DLG2: variants seen among roughly 807,000 people sequenced by gnomAD.
DLG2 encodes discs large MAGUK scaffold protein 2.
In DLG2, 45 loss-of-function variants were observed where a neutral mutation model predicts 132.5. The observed-to-expected ratio is 0.34, with a 90% CI of 0.27 to 0.44. The LOEUF is 0.44. DLG2 is among the 20% of genes least tolerant of loss of function. The probability of loss-of-function intolerance (pLI) is 1.00; values close to 1 mark genes in which losing one functional copy is unlikely to be tolerated. For missense variants in DLG2, 1,045 were observed against 1,196.9 expected, an observed-to-expected ratio of 0.87 and a Z score of 1.87; for synonymous variants, 424 against 419.6, an observed-to-expected ratio of 1.01 and a Z score of -0.13.
At chr11:83,684,212 AC>A (rs1003129003) in intron 18 of DLG2, among the ~76,000 whole-genome samples, 7 of 152,102 alleles carry the variant, frequency 4.6e-5, no homozygotes, top group African/African-American at 1.7e-4. Flanking sequence ...GTATTTGGCC[AC>A]TGGTGAGGTC....
At chr11:84,607,635 A>T (rs2099588149) in intron 6 of DLG2, among the ~76,000 whole-genome samples, 1 of 152,066 alleles carries the variant, frequency 6.6e-6, no homozygotes, top group Admixed American at 6.6e-5. Flanking sequence ...TAATTCCTAC[A>T]GTGGGAAGTG....
At chr11:85,258,164 T>C (rs1206543834) in intron 4 of DLG2, among the ~76,000 whole-genome samples, 1 of 152,158 alleles carries the variant, frequency 6.6e-6, no homozygotes, top group African/African-American at 2.4e-5. Context: ...CTTTCTTCCA[T>C]AGGAAATGCA....
chr11:85,471,783 T>C (rs1196492900), intron 3 of DLG2, among the ~76,000 whole-genome samples: 1 of 152,100 alleles, frequency 6.6e-6, no homozygotes, highest in Non-Finnish European at 1.5e-5. Context: ...CAATAATCAA[T>C]GAGCTAAAGG....
intron 3 of DLG2, among the ~76,000 whole-genome samples, chr11:85,471,239 A>G (rs965041796): frequency 3.5e-4 from 54 of 152,228 alleles, no homozygotes; most frequent in Non-Finnish European, 4.0e-4. Flanking sequence ...TGTAAGAAAT[A>G]ATACCTTTGA....
rs116547757 is a variant in DLG2, at chr11:83,834,893, C to T, written c.1566-1123G>A. On this transcript the variant is annotated intron_variant, in intron 16 of 27. Coordinates refer to ENST00000376104, the MANE Select transcript of DLG2 (RefSeq NM_001142699.3). ...TCATTTGCATCACCCACCCTCCTCTCCCAAACATCTCAGTTCATCTTCTAT... is the reference window on the plus strand; with the variant it reads ...TCATTTGCATCACCCACCCTCCTCTTCCAAACATCTCAGTTCATCTTCTAT... Among the ~76,000 whole-genome samples the T allele has an allele frequency of 8.7e-3, 1,321 of 152,280 alleles. 18 individuals are homozygous for T. Among genetic ancestry groups the T allele is most frequent in the African/African-American group, 0.031 (1,271 of 41,552 alleles).
chr11:84,435,743 A>C (rs1439962654), intron 7 of DLG2, among the ~76,000 whole-genome samples: 2 of 152,208 alleles, frequency 1.3e-5, no homozygotes, highest in Non-Finnish European at 2.9e-5. Flanking sequence ...TAAGAAGCAG[A>C]AGCTCAGATT....
At chr11:85,559,559 A>C (rs961922534) in intron 3 of DLG2, among the ~76,000 whole-genome samples, 1 of 151,452 alleles carries the variant, frequency 6.6e-6, no homozygotes, top group Non-Finnish European at 1.5e-5. Flanking sequence ...AAATAATTAA[A>C]TATATTAAAA....
intron 6 of DLG2, among the ~76,000 whole-genome samples, chr11:84,748,437 A>T (rs2065671888): frequency 6.6e-6 from 1 of 152,202 alleles, no homozygotes. Context: ...TTTGCACAGC[A>T]CTGTACAATT....
intron 4 of DLG2, among the ~76,000 whole-genome samples, chr11:85,237,466 G>A (rs1407014154): frequency 3.3e-5 from 5 of 152,024 alleles, no homozygotes; most frequent in Non-Finnish European, 5.9e-5. Flanking sequence ...AAACATGAAG[G>A]TTATGGGCTC....
intron 3 of DLG2, among the ~76,000 whole-genome samples, chr11:85,528,524 T>C (rs1324628315): frequency 6.6e-6 from 1 of 152,226 alleles, no homozygotes; most frequent in Non-Finnish European, 1.5e-5. Context: ...GGAAATCTCA[T>C]ACACTGTTGG....
At chr11:84,999,945 T>G (rs1177079775) in intron 6 of DLG2, among the ~76,000 whole-genome samples, 1 of 152,054 alleles carries the variant, frequency 6.6e-6, no homozygotes, top group Non-Finnish European at 1.5e-5. Context: ...ATTCAAGAAT[T>G]TATTCACATT....
chr11:83,984,301 T>G (rs1041932838), intron 11 of DLG2, among the ~76,000 whole-genome samples: 19 of 151,662 alleles, frequency 1.3e-4, no homozygotes, highest in Non-Finnish European at 4.4e-5. Context: ...GTGACTCTAT[T>G]CAAGGTGAAG....
rs572424785 is a variant in DLG2, at chr11:85,604,835, G to C, written c.-92-6047C>G. ...CTATATTGTACATGGTTTAAGAATA[G>C]CATCACCAGAAAGTTATAAATAATT... On this transcript the variant is annotated intron_variant, in intron 2 of 27. Transcript: ENST00000376104. Among the ~76,000 whole-genome samples the C allele has an allele frequency of 6.6e-5, 10 of 152,234 alleles. 1 individual carries two copies. The highest frequency in any genetic ancestry group is 2.4e-4 in the African/African-American group (10 of 41,546).
At chr11:83,851,296 G>A (rs1353291947) in intron 16 of DLG2, among the ~76,000 whole-genome samples, 7 of 152,110 alleles carry the variant, frequency 4.6e-5, no homozygotes, top group Admixed American at 2.6e-4. Flanking sequence ...GGAGTAGAAT[G>A]AGTCCCTTAT....
intron 18 of DLG2, among the ~76,000 whole-genome samples, chr11:83,659,579 G>T (rs1264244265): frequency 6.6e-6 from 1 of 152,166 alleles, no homozygotes; most frequent in East Asian, 1.9e-4. Flanking sequence ...TATTCATCCA[G>T]GCTAACATGT....
intron 16 of DLG2, among the ~76,000 whole-genome samples, chr11:83,849,785 T>C (rs2059324239): frequency 2.7e-5 from 4 of 150,306 alleles, no homozygotes; most frequent in African/African-American, 9.8e-5. Context: ...GCATAAAATA[T>C]TACATTTATA....
At chr11:83,937,076 T>A (rs1012551725) in intron 14 of DLG2, among the ~76,000 whole-genome samples, 13 of 152,284 alleles carry the variant, frequency 8.5e-5, no homozygotes, top group African/African-American at 2.6e-4. Context: ...TTTTAAAAAA[T>A]TTTTAATTGA....
chr11:84,043,254 G>C (rs2096144828), intron 11 of DLG2, among the ~76,000 whole-genome samples: 1 of 150,376 alleles, frequency 6.6e-6, no homozygotes, highest in Non-Finnish European at 1.5e-5. Flanking sequence ...TATTTCCTTT[G>C]GTTTATCATC....
At chr11:84,725,515 G>C (rs2062337328) in intron 6 of DLG2, among the ~76,000 whole-genome samples, 1 of 152,132 alleles carries the variant, frequency 6.6e-6, no homozygotes, top group African/African-American at 2.4e-5. Context: ...AACATGTAAG[G>C]CAGAGAGGGA....
Sources: gnomAD v4.1 joint callset for allele counts (sites outside exome capture counted in the v4.1 genomes callset) on GRCh38, gnomAD v4.1.1 for gene constraint, MANE v1.5 for transcripts, NCBI Gene and HGNC (gene_info 2026-07-23, HGNC 2026-07-21) for gene names.